ARHGEF38: variants seen among roughly 807,000 people sequenced by gnomAD.
The protein encoded by ARHGEF38 is Rho guanine nucleotide exchange factor (GEF) 38.
A neutral mutation model predicts 79.9 loss-of-function variants in ARHGEF38; 79 were observed. The observed-to-expected ratio is 0.99, with a 90% CI of 0.82 to 1.19. The LOEUF is 1.19. ARHGEF38 is among the 50% of genes most tolerant of loss of function. The probability of loss-of-function intolerance (pLI) is 0.00; values close to 1 mark genes in which losing one functional copy is unlikely to be tolerated. For missense variants in ARHGEF38, 962 were observed against 907.2 expected (o/e 1.06, Z -0.78); for synonymous variants, 366 against 328.3 (o/e 1.11, Z -1.24).
intron 2 of ARHGEF38, among the ~76,000 whole-genome samples, chr4:105,600,953 G>T (rs933785761): frequency 4.6e-5 from 7 of 151,978 alleles, no homozygotes; most frequent in Non-Finnish European, 7.4e-5. Flanking sequence ...CTTCCACTCT[G>T]GTTCAAGAAC....
chr4:105,586,406 A>G (rs1727051046), intron 1 of ARHGEF38, among the ~76,000 whole-genome samples: 1 of 152,028 alleles, frequency 6.6e-6, no homozygotes, highest in African/African-American at 2.4e-5. Context: ...GAGTATTTTC[A>G]CTGACACTTT....
chr4:105,648,270 G>T (rs971898395), intron 6 of ARHGEF38, among the ~76,000 whole-genome samples: 3 of 151,982 alleles, frequency 2.0e-5, no homozygotes, highest in East Asian at 3.9e-4. Context: ...ACGAGAGGGA[G>T]AACTTTTTTC....
At chr4:105,671,868 C>T (rs1035346649) in intron 13 of ARHGEF38, among the ~76,000 whole-genome samples, 8 of 152,142 alleles carry the variant, frequency 5.3e-5, no homozygotes, top group African/African-American at 1.9e-4. Context: ...ATTTATTTCC[C>T]TCTCCCTTCC....
At position 105,552,683 on chromosome 4, in the gene ARHGEF38, C is replaced by T; in HGVS notation, c.-83C>T. 8.4e-7 allele frequency: 1 copy of T among 1,187,766 alleles called. No homozygotes were observed. The highest frequency in any genetic ancestry group is 1.2e-6 in the Non-Finnish European group (1 of 843,144). 73.6% of individuals were successfully genotyped at this position (1,187,766 alleles called of 1,614,324 possible). ...TAGAAGGGAGCAGATAAACTCGTCA[C>T]TCTAGTAGCTTTAACCCTCACCCTG... is the stretch of plus-strand genomic sequence containing the variant. On this transcript the variant is annotated 5_prime_UTR_variant, in exon 1 of 14. Coordinates refer to ENST00000420470, the MANE Select transcript of ARHGEF38 (RefSeq NM_001242729.2).
chr4:105,556,406 TGGAGGTA>T (rs1310927881), intron 1 of ARHGEF38, among the ~76,000 whole-genome samples: 1 of 151,938 alleles, frequency 6.6e-6, no homozygotes, highest in East Asian at 1.9e-4. Context: ...ATGATAGAAG[TGGAGGTA>T]GGATCAGTGG....
At chr4:105,652,702 C>T (rs538325208) in intron 7 of ARHGEF38, among the ~76,000 whole-genome samples, 7 of 144,744 alleles carry the variant, frequency 4.8e-5, no homozygotes, top group Non-Finnish European at 8.9e-5. Flanking sequence ...TATCTGGTGA[C>T]GCCTCCTTGG....
intron 2 of ARHGEF38, among the ~76,000 whole-genome samples, chr4:105,610,211 G>T (rs1340918629): frequency 6.6e-6 from 1 of 152,000 alleles, no homozygotes. Context: ...TGATTAGGGG[G>T]TGGGTTGGGA....
Position 105,648,580 on chromosome 4 carries a change from A to C in ARHGEF38, c.906A>C (p.Glu302Asp). 6.6e-7 allele frequency: 1 copy of C among 1,525,452 alleles called. No individual in the cohort carries two copies. 94.5% of individuals were successfully genotyped at this position (1,525,452 alleles called of 1,614,324 possible). ...AATACAAGAAGAATGACGAGGATGA[A>C]TCACTTAAAGACAAATTGTCTAAAC... ...VLKYKKNDED[E>D]SLKDKLSKLN... The change falls in exon 7 of 14, where the codon GAA (glutamate) becomes GAC (aspartate). Residue 302 changes from glutamate to aspartate, a missense_variant. By Grantham distance (45) the Glu-to-Asp change is conservative. Coordinates refer to ENST00000420470, the MANE Select transcript of ARHGEF38 (RefSeq NM_001242729.2).
At chr4:105,600,175 C>G (rs1051962288) in intron 2 of ARHGEF38, among the ~76,000 whole-genome samples, 1 of 152,122 alleles carries the variant, frequency 6.6e-6, no homozygotes. Context: ...CAGTCTTGCC[C>G]TAGTAAAGTC....
At chr4:105,625,127 T>C (rs760582867) in intron 3 of ARHGEF38, among the ~76,000 whole-genome samples, 2 of 152,244 alleles carry the variant, frequency 1.3e-5, no homozygotes, top group African/African-American at 2.4e-5. Context: ...ATTATCTTAG[T>C]TGGTTTTTAG....
intron 13 of ARHGEF38, among the ~76,000 whole-genome samples, chr4:105,675,974 ACATT>A (rs956733310): frequency 6.6e-6 from 1 of 152,220 alleles, no homozygotes; most frequent in Non-Finnish European, 1.5e-5. Context: ...GGGGAAACAA[ACATT>A]CAGTCCATAG....
Position 105,654,126 on chromosome 4 carries a change from G to A in ARHGEF38, c.1070G>A (p.Arg357Lys). The change falls in exon 8 of 14, where the codon AGG becomes AAG. Residue 357 changes from arginine to lysine, a missense_variant. Transcript: ENST00000420470. ...TTTAGAGCTTTAGAAAAGACTGTGA[G>A]GCTTTGTGTGAAGAACATTTCACTC... ...KLFRALEKTV[R>K]LCVKNISLCL... 2 of 1,521,554 alleles carry A rather than the reference G, an allele frequency of 1.3e-6. No homozygotes were observed. The highest frequency in any genetic ancestry group is 1.8e-6 in the Non-Finnish European group (2 of 1,136,834). 94.3% of individuals were successfully genotyped at this position (1,521,554 alleles called of 1,614,324 possible). A position where few individuals can be genotyped will look rare whatever the true frequency, so the allele number is the denominator to read the frequency against.
rs6533206 is a variant in ARHGEF38 at position 105,552,939 on chromosome 4, C to T, written c.174C>T (p.Thr58=). The T allele has an allele frequency of 3.2e-5, 51 of 1,609,186 alleles. No individual in the cohort carries two copies. In the Middle Eastern group the frequency reaches 1.0e-3, roughly 32 times the overall value. The change falls in exon 1 of 14, where the codon ACC becomes ACT. Residue 58 remains threonine, a synonymous_variant. Coordinates refer to ENST00000420470, the MANE Select transcript of ARHGEF38 (RefSeq NM_001242729.2). ...TGAGGAGGAGCCAATCTGACAGGAC[C>T]GAATACAACCAGAAATTACAAGGTA... ...GTLRRSQSDR[T]EYNQKLQEKM...
At chr4:105,581,112 C>A (rs1160370038) in intron 1 of ARHGEF38, among the ~76,000 whole-genome samples, 1 of 152,146 alleles carries the variant, frequency 6.6e-6, no homozygotes, top group Non-Finnish European at 1.5e-5. Flanking sequence ...AGGCCAAGAA[C>A]AAGTCCCGGT....
chr4:105,618,009 G>C (rs1240528061), intron 3 of ARHGEF38, among the ~76,000 whole-genome samples: 1 of 151,476 alleles, frequency 6.6e-6, no homozygotes, highest in Admixed American at 6.6e-5. Context: ...GTTTTATTTT[G>C]AAAAAAAGAG....
chr4:105,571,321 CTTTTTTTTT>C (rs34707064), intron 1 of ARHGEF38, among the ~76,000 whole-genome samples: 34 of 89,742 alleles, frequency 3.8e-4, no homozygotes, highest in African/African-American at 1.4e-3. Context: ...TTTTCTTTTT[CTTTTTTTTT>C]TTTTTTTTTT....
intron 2 of ARHGEF38, among the ~76,000 whole-genome samples, chr4:105,599,151 C>T (rs908294631): frequency 6.6e-6 from 1 of 152,076 alleles, no homozygotes; most frequent in Admixed American, 6.6e-5. Context: ...AAGGAAATCT[C>T]TTATCTTTGC....
intron 1 of ARHGEF38, among the ~76,000 whole-genome samples, chr4:105,574,573 G>A (rs1443166156): frequency 6.7e-6 from 1 of 149,496 alleles, no homozygotes; most frequent in African/African-American, 2.5e-5. Flanking sequence ...AAAAAGAAGT[G>A]GCAAGAGCAG....
chr4:105,600,118 A>G (rs558509157), intron 2 of ARHGEF38, among the ~76,000 whole-genome samples: 1 of 152,330 alleles, frequency 6.6e-6, no homozygotes, highest in Non-Finnish European at 1.5e-5. Flanking sequence ...TATTGCATGC[A>G]GTGCCTGCTC....
Sources: gnomAD v4.1 joint callset for allele counts (sites outside exome capture counted in the v4.1 genomes callset) on GRCh38, gnomAD v4.1.1 for gene constraint, MANE v1.5 for transcripts, NCBI Gene and HGNC (gene_info 2026-07-23, HGNC 2026-07-21) for gene names.